Variants in PMS2 observed in about 807,000 individuals in gnomAD.
PMS2 encodes PMS1 homolog 2, mismatch repair system component.
A neutral mutation model predicts 90.0 loss-of-function variants in PMS2; 69 were observed. The observed-to-expected ratio is 0.77, with a 90% CI of 0.63 to 0.94. The LOEUF is 0.94. Among genes scored for constraint, PMS2 ranks in the 40% least tolerant of loss-of-function variants. The probability of loss-of-function intolerance (pLI) is 0.00; values close to 1 mark genes in which losing one functional copy is unlikely to be tolerated. For synonymous variants in PMS2, 332 were observed against 375.1 expected, an observed-to-expected ratio of 0.89 and a Z score of 1.33; for missense variants, 966 against 1,040.2, an observed-to-expected ratio of 0.93 and a Z score of 0.98.
At chr7:5,994,552 T>A (rs1486916813) in intron 8 of PMS2, among the ~76,000 whole-genome samples, 1 of 151,878 alleles carries the variant, frequency 6.6e-6, no homozygotes, top group Non-Finnish European at 1.5e-5. Flanking sequence ...GGTGGGCGGA[T>A]CACGAGGTCA....
At chr7:5,997,259 A>G (rs7793400) in intron 7 of PMS2, 67 bp downstream of exon 7, 5 of 803,730 alleles carry the variant, frequency 6.2e-6, no homozygotes, top group Non-Finnish European at 8.6e-6. Context: ...TAGAATCACT[A>G]TCTTTAAAAA....
rs1198185237 is a variant in PMS2 at position 5,977,712 on chromosome 7, T to A, written c.2321A>T (p.Lys774Ile). 3 of 1,606,504 alleles carry A rather than the reference T, an allele frequency of 1.9e-6. No individual in the cohort carries two copies. The highest frequency in any genetic ancestry group is 2.6e-6 in the Non-Finnish European group (3 of 1,174,986). ...GTCCTGGGGTCCGAAGGTCCAGTTT[T>A]TACTAGTTGGCAAGGAAATCAGTTT... ...RAKLISLPTS[K>I]NWTFGPQDVD... The change falls in exon 14 of 15, where the codon AAA (lysine) becomes ATA (isoleucine). Residue 774 changes from lysine to isoleucine, a missense_variant. Coordinates refer to ENST00000265849, the MANE Select transcript of PMS2 (RefSeq NM_000535.7).
intron 12 of PMS2, among the ~76,000 whole-genome samples, chr7:5,982,042 A>G (rs1294853972): frequency 6.6e-6 from 1 of 151,740 alleles, no homozygotes; most frequent in Non-Finnish European, 1.5e-5. Context: ...TTGAGATAGA[A>G]TCTCGCTCTG....
At chr7:5,978,997 C>T (rs375977947) in intron 12 of PMS2, among the ~76,000 whole-genome samples, 30 of 148,442 alleles carry the variant, frequency 2.0e-4, no homozygotes, top group South Asian at 2.1e-4. Context: ...GAGTTTGAGA[C>T]CGGCCTGGTC....
At chr7:5,988,425 G>C (rs1475554973) in intron 10 of PMS2, among the ~76,000 whole-genome samples, 3 of 152,052 alleles carry the variant, frequency 2.0e-5, no homozygotes, top group African/African-American at 7.2e-5. Flanking sequence ...GGGCATAGTG[G>C]AATGCACTTA....
At chr7:5,997,030 C>T (rs546433065) in intron 7 of PMS2, among the ~76,000 whole-genome samples, 2 of 152,150 alleles carry the variant, frequency 1.3e-5, no homozygotes, top group East Asian at 3.9e-4. Flanking sequence ...GCCTGGCCAA[C>T]ATGGTGAAAC....
At position 6,004,065 on chromosome 7, in the gene PMS2, A is replaced by C; in HGVS notation, c.164-7T>G. 6.8e-7 allele frequency: 1 copy of C among 1,473,078 alleles called. No individual in the cohort carries two copies. Among genetic ancestry groups the C allele is most frequent in the Non-Finnish European group, 9.5e-7 (1 of 1,055,898 alleles). 91.3% of individuals were successfully genotyped at this position (1,473,078 alleles called of 1,614,324 possible). On this transcript the variant is annotated splice_region_variant and splice_polypyrimidine_tract_variant and intron_variant, in intron 2 of 14. Coordinates refer to ENST00000265849, the MANE Select transcript of PMS2 (RefSeq NM_000535.7). Reference sequence around the variant, plus strand: ...TAGTCCTTAAGCTTTAGATCTAGAAAGTTTAAAATATTTACATATTTATTA... The same window carrying C: ...TAGTCCTTAAGCTTTAGATCTAGAACGTTTAAAATATTTACATATTTATTA...
chr7:5,978,518 G>T, intron 13 of PMS2, 78 bp downstream of exon 13: 1 of 1,306,424 alleles, frequency 7.7e-7, no homozygotes, highest in South Asian at 1.2e-5. Flanking sequence ...CGATCTGCCC[G>T]CCTTGGCCTC....
chr7:5,992,053 C>A lies in PMS2; in HGVS notation c.908G>T (p.Cys303Phe). 6.5e-7 allele frequency: 1 copy of A among 1,530,190 alleles called. No individual in the cohort carries two copies. The highest frequency in any genetic ancestry group is 9.1e-7 in the Non-Finnish European group (1 of 1,103,720). The allele number at this position is 1,530,190 out of a possible 1,614,324, so 94.8% of individuals were successfully genotyped here. Residue 303 changes from cysteine to phenylalanine, a missense_variant, in exon 9 of 15, where the codon TGC (cysteine) becomes TTC (phenylalanine). By Grantham distance (205) the Cys-to-Phe change is radical. Around this residue, in one of 2 missense-constraint regions of PMS2, gnomAD observed 871 missense variants for 802.4 expected, o/e 1.09. Coordinates refer to ENST00000265849, the MANE Select transcript of PMS2 (RefSeq NM_000535.7). The part of the protein sequence containing the change: ...NRRPCDPAKV[C>F]RLVNEVYHMY... ...GTGGTAGACCTCATTCACGAGTCTG[C>A]AGACCTGCACAAAATACAAGGAGTA...
At position 5,972,034 on chromosome 7, in the gene PMS2, G is replaced by GA. The variant is rs765512864; in HGVS notation, c.*1364dup. On this transcript the variant is annotated 3_prime_UTR_variant, in exon 15 of 15. Coordinates refer to ENST00000265849, the MANE Select transcript of PMS2 (RefSeq NM_000535.7). Reference sequence around the variant, plus strand: ...AACAAGAGCGAAACTTCATCTCAAAGAAAAAAAAAAAAAAGATCCTTCACT... The same window carrying GA: ...AACAAGAGCGAAACTTCATCTCAAAGAAAAAAAAAAAAAAAGATCCTTCACT... Among the ~76,000 whole-genome samples the GA allele has an allele frequency of 4.4e-4, 14 of 31,838 alleles. 1 individual carries two copies. The highest frequency in any genetic ancestry group is 7.9e-4 in the African/African-American group (7 of 8,830). The allele number at this position is 31,838 out of a possible 152,430, so 20.9% of individuals were successfully genotyped here. A position where few individuals can be genotyped will look rare whatever the true frequency, so the allele number is the denominator to read the frequency against.
At chr7:5,983,656 T>C (rs1253607930) in intron 11 of PMS2, among the ~76,000 whole-genome samples, 1 of 151,672 alleles carries the variant, frequency 6.6e-6, no homozygotes, top group Non-Finnish European at 1.5e-5. Context: ...TTTTTCTTTT[T>C]TTTTTTCTTT....
At chr7:5,983,201 C>T (rs1451846159) in intron 11 of PMS2, among the ~76,000 whole-genome samples, 2 of 151,662 alleles carry the variant, frequency 1.3e-5, no homozygotes, top group Non-Finnish European at 2.9e-5. Context: ...CAACCTCCAC[C>T]TCCCGGGTTC....
intron 5 of PMS2, among the ~76,000 whole-genome samples, 174 bp from the exon 6 acceptor site, chr7:5,999,449 G>A (rs7784177): frequency 0.022 from 3,286 of 152,182 alleles, 127 homozygotes; most frequent in African/African-American, 0.074. Flanking sequence ...AGAAAGGAAC[G>A]CAGAGCTTTT....
chr7:5,977,894 C>G (rs542828871), intron 13 of PMS2, 137 bp from the exon 14 acceptor site: 2 of 1,346,978 alleles, frequency 1.5e-6, no homozygotes, highest in Non-Finnish European at 2.1e-6. Context: ...CTGAGGCCAG[C>G]GGATCATGAG....
rs2429573 is a variant in PMS2 at position 5,978,479 on chromosome 7, C to G, written c.2275+117G>C. ...AGAGATGGGGTTTCACCATGTTAGC[C>G]AGGCTGGTCTCAAACTCCTGACCTC... is the stretch of plus-strand genomic sequence containing the variant. On this transcript the variant is annotated intron_variant, in intron 13 of 14. Transcript: ENST00000265849. The G allele has an allele frequency of 1.6e-3, 1,834 of 1,160,526 alleles. 40 individuals are homozygous for G. Among genetic ancestry groups the G allele is most frequent in the Admixed American group, 2.3e-3 (116 of 51,344 alleles). 71.9% of individuals were successfully genotyped at this position (1,160,526 alleles called of 1,614,324 possible). A position where few individuals can be genotyped will look rare whatever the true frequency, so the allele number is the denominator to read the frequency against.
intron 9 of PMS2, among the ~76,000 whole-genome samples, chr7:5,990,515 A>G (rs1017600521): frequency 6.6e-6 from 1 of 152,212 alleles, no homozygotes; most frequent in Non-Finnish European, 1.5e-5. Flanking sequence ...AAAAGCAAAT[A>G]AACACATAAA....
In PMS2 at chr7:5,977,714, A is replaced by G. The variant is rs1298578676; in HGVS notation, c.2319T>C (p.Ser773=). ...ERAKLISLPT[S]KNWTFGPQDV... ...CCTGGGGTCCGAAGGTCCAGTTTTT[A>G]CTAGTTGGCAAGGAAATCAGTTTAG... is the stretch of plus-strand genomic sequence containing the variant. Residue 773 remains serine (S), a synonymous_variant, in exon 14 of 15, where the codon AGT becomes AGC. Transcript: ENST00000265849. 6.2e-7 allele frequency: 1 copy of G among 1,606,616 alleles called. No homozygotes were observed. Among genetic ancestry groups the G allele is most frequent in the African/African-American group, 1.3e-5 (1 of 74,348 alleles).
chr7:5,978,132 A>T (rs1362450663), intron 13 of PMS2, among the ~76,000 whole-genome samples: 1 of 150,516 alleles, frequency 6.6e-6, no homozygotes, highest in Non-Finnish European at 1.5e-5. Flanking sequence ...GAAAAAAAAA[A>T]AGTGAACACC....
chr7:5,978,490 C>T, intron 13 of PMS2, 106 bp downstream of exon 13: 1 of 1,194,564 alleles, frequency 8.4e-7, no homozygotes, highest in Admixed American at 1.9e-5. Flanking sequence ...AGGCTGGTCT[C>T]AAACTCCTGA....
Sources: gnomAD v4.1 joint callset for allele counts (sites outside exome capture counted in the v4.1 genomes callset) on GRCh38, gnomAD v4.1.1 for gene constraint, gnomAD v4.1.1 regional missense constraint, MANE v1.5 for transcripts, NCBI Gene and HGNC (gene_info 2026-07-23, HGNC 2026-07-21) for gene names.